The following MBP variants were observed in gnomAD, a reference collection of about 807,000 sequenced individuals.
The protein encoded by MBP is Golli-MBP.
In MBP, 16 loss-of-function variants were observed where a neutral mutation model predicts 35.8. That is an observed-to-expected ratio of 0.45 (90% CI 0.30 to 0.68). The LOEUF (loss-of-function observed/expected upper bound fraction) is 0.68, where lower values mean the gene tolerates loss of function less well. Among genes scored for constraint, MBP ranks in the 30% least tolerant of loss-of-function variants. MBP has a pLI of 0.08. For synonymous variants in MBP, 143 were observed against 159.6 expected (o/e 0.90, Z 0.78); for missense variants, 380 against 404.7 (o/e 0.94, Z 0.52).
intron 3 of MBP, among the ~76,000 whole-genome samples, chr18:77,035,663 G>T (rs554336322): frequency 6.6e-6 from 1 of 152,248 alleles, no homozygotes; most frequent in African/African-American, 2.4e-5. Flanking sequence ...CAGGTGAAGG[G>T]GGGGGGACCA....
chr18:77,058,487 C>CAGGCACGACCCCAGGCCG (rs1230183838), intron 3 of MBP, among the ~76,000 whole-genome samples: 37 of 152,286 alleles, frequency 2.4e-4, no homozygotes, highest in African/African-American at 8.4e-4. Flanking sequence ...ACCCCAGGCC[C>CAGGCACGACCCCAGGCCG]GGGCACGACC....
rs533141508 is a variant in MBP at position 77,061,765 on chromosome 18, G to A, written c.139+4533C>T. On this transcript the variant is annotated intron_variant, in intron 3 of 8. Transcript: ENST00000355994. ...TTTTTCCTACTGTCAGCTAACTCAA[G>A]CTTTATAAAATAAAGAAGAGTGAAA... Among the ~76,000 whole-genome samples the A allele has an allele frequency of 2.0e-5, 3 of 152,278 alleles. No homozygotes were observed. The South Asian group carries it at 6.2e-4, about 32-fold the overall frequency.
chr18:76,985,042 C>G (rs555660876), intron 7 of MBP, 148 bp from the exon 8 acceptor site: 1 of 1,494,972 alleles, frequency 6.7e-7, no homozygotes, highest in African/African-American at 1.4e-5. Flanking sequence ...GCCAGCACCA[C>G]GCTGAGGGGG....
chr18:76,986,857 T>C lies in MBP; in HGVS notation c.750+1638A>G, dbSNP rs1029672207. ...GATTAACAATCTGCGCGGCCTTTCC[T>C]CCTTTCCAATCCTTAGTCATGTTTA... On this transcript the variant is annotated intron_variant, in intron 7 of 8. Coordinates refer to ENST00000355994, the MANE Select transcript of MBP (RefSeq NM_001025101.2). 11 of 985,336 alleles carry C rather than the reference T, an allele frequency of 1.1e-5. No homozygotes were observed. The Admixed American group carries it at 3.7e-4, about 33-fold the overall frequency. 61.0% of individuals were successfully genotyped at this position (985,336 alleles called of 1,614,324 possible).
rs376470788 is a variant in MBP at position 77,130,754 on chromosome 18, C to G, written c.-26+1826G>C. Among the ~76,000 whole-genome samples, 533 of 151,804 alleles carry G rather than the reference C, an allele frequency of 3.5e-3. 4 individuals are homozygous for G. Among genetic ancestry groups the G allele is most frequent in the Non-Finnish European group, 5.9e-3 (402 of 67,926 alleles). On this transcript the variant is annotated intron_variant, in intron 1 of 8. Coordinates refer to ENST00000355994, the MANE Select transcript of MBP (RefSeq NM_001025101.2). ...AATCAGCGCACACAGCTAGGACCAC[C>G]ACTGACCAAACTCAAACCCGACGTT...
chr18:77,015,633 G>A (rs1599068689), intron 4 of MBP: 14 of 985,442 alleles, frequency 1.4e-5, no homozygotes, highest in Non-Finnish European at 1.6e-5. Context: ...CAGACAGATG[G>A]TAGAGATGTT....
chr18:77,011,425 T>C (rs1971341629), intron 4 of MBP, among the ~76,000 whole-genome samples: 1 of 152,200 alleles, frequency 6.6e-6, no homozygotes, highest in Non-Finnish European at 1.5e-5. Context: ...ATGGCTCTTC[T>C]TCACAAAGAA....
Position 76,984,854 on chromosome 18 carries a change from C to T in MBP, c.791G>A (p.Arg264Lys). The change falls in exon 8 of 9, where the codon AGA becomes AAA. Residue 264 changes from arginine (R) to lysine (K), a missense_variant. By Grantham distance (26) the Arg-to-Lys change is conservative. Transcript: ENST00000355994. ...GTGAGCCGATTTATAGTCGGACGCTCTGCCTCCGTAGCCAAATCCTGGTCT... is the reference window on the plus strand; with the variant it reads ...GTGAGCCGATTTATAGTCGGACGCTTTGCCTCCGTAGCCAAATCCTGGTCT... ...GQRPGFGYGG[R>K]ASDYKSAHKG... 6 of 1,613,942 alleles carry T rather than the reference C, an allele frequency of 3.7e-6. No individual in the cohort carries two copies. The highest frequency in any genetic ancestry group is 5.1e-6 in the Non-Finnish European group (6 of 1,180,028).
At position 77,101,670 on chromosome 18, in the gene MBP, A is replaced by T. The variant is rs74880871; in HGVS notation, c.51+3541T>A. ...TCCAGAAAAGTGTCTTTTTTTCACC[A>T]ATCAGAGACATTCCACAGTTAACCC... is the stretch of plus-strand genomic sequence containing the variant. On this transcript the variant is annotated intron_variant, in intron 2 of 8. Coordinates refer to ENST00000355994, the MANE Select transcript of MBP (RefSeq NM_001025101.2). This position sits in a 1 kb window ranked among gnomAD's most constrained non-coding sequence, Gnocchi z 4.3. 6.6e-6 allele frequency among the ~76,000 whole-genome samples: 1 copy of T among 151,846 alleles called. No homozygotes were observed. The highest frequency in any genetic ancestry group is 2.4e-5 in the African/African-American group (1 of 41,406).
At position 77,028,815 on chromosome 18, in the gene MBP, G is replaced by A. The variant is rs537801765; in HGVS notation, c.140-11547C>T. Among the ~76,000 whole-genome samples, 43 of 81,576 alleles carry A rather than the reference G, an allele frequency of 5.3e-4. 11 individuals are homozygous for A. In the East Asian group the frequency reaches 0.016, roughly 30 times the overall value. The allele number at this position is 81,576 out of a possible 152,430, so 53.5% of individuals were successfully genotyped here. A position where few individuals can be genotyped will look rare whatever the true frequency, so the allele number is the denominator to read the frequency against. ...CGGAGGGACTCCTGACTTCTCAGAC[G>A]GGGCGGCCGGGCAGAGACGCTCCTC... is the stretch of plus-strand genomic sequence containing the variant. On this transcript the variant is annotated intron_variant, in intron 3 of 8. Coordinates refer to ENST00000355994, the MANE Select transcript of MBP (RefSeq NM_001025101.2).
chr18:77,096,361 T>C (rs535663443), intron 2 of MBP, among the ~76,000 whole-genome samples: 1 of 152,324 alleles, frequency 6.6e-6, no homozygotes, highest in East Asian at 1.9e-4. Flanking sequence ...TAATGATAAT[T>C]AAATATGGAG....
intron 3 of MBP, among the ~76,000 whole-genome samples, chr18:77,063,524 C>T (rs1184988866): frequency 6.6e-6 from 1 of 152,208 alleles, no homozygotes; most frequent in Non-Finnish European, 1.5e-5. Flanking sequence ...TTCCTCGGCA[C>T]ACTCACGGGC....
intron 3 of MBP, among the ~76,000 whole-genome samples, chr18:77,033,790 CCAT>C (rs1568304462): frequency 1.8e-4 from 27 of 146,252 alleles, no homozygotes; most frequent in African/African-American, 4.2e-4. Flanking sequence ...ATCCATCCAT[CCAT>C]CCACCCACTC....
intron 4 of MBP, among the ~76,000 whole-genome samples, chr18:77,010,383 T>C (rs1255381727): frequency 2.0e-5 from 3 of 152,204 alleles, no homozygotes; most frequent in Admixed American, 2.0e-4. Flanking sequence ...AATGGATAAA[T>C]TTTACATTCC....
At chr18:77,106,731 G>C (rs561837962) in intron 1 of MBP, among the ~76,000 whole-genome samples, 25 of 152,252 alleles carry the variant, frequency 1.6e-4, no homozygotes, top group African/African-American at 6.0e-4. Context: ...CCTTCCCCAT[G>C]CTTCATGGCA....
chr18:77,017,126 G>A lies in MBP; in HGVS notation c.282C>T (p.Leu94=). 1 of 1,584,146 alleles carries A rather than the reference G, an allele frequency of 6.3e-7. No individual in the cohort carries two copies. The highest frequency in any genetic ancestry group is 8.6e-7 in the Non-Finnish European group (1 of 1,161,650). ...CCCTCCCCGGGGCATCTCGGGAAAA[G>A]AGGCGGATCAAGTGGGGGCGGCTCC... ...DPGSRPHLIR[L]FSRDAPGRED... is the part of the protein sequence containing the mutation. The change falls in exon 4 of 9, where the codon CTC becomes CTT. Residue 94 remains leucine, a synonymous_variant. Coordinates refer to ENST00000355994, the MANE Select transcript of MBP (RefSeq NM_001025101.2).
chr18:77,000,053 G>A (rs1347459364), intron 4 of MBP, among the ~76,000 whole-genome samples: 1 of 152,166 alleles, frequency 6.6e-6, no homozygotes, highest in African/African-American at 2.4e-5. Context: ...GCCAGCTAGA[G>A]ATGAGGCCAG....
chr18:77,000,434 C>A (rs1364952207), intron 4 of MBP, among the ~76,000 whole-genome samples: 1 of 152,138 alleles, frequency 6.6e-6, no homozygotes, highest in Non-Finnish European at 1.5e-5. Flanking sequence ...ATGCATAGAG[C>A]AACAACAACA....
intron 3 of MBP, among the ~76,000 whole-genome samples, chr18:77,023,293 C>A (rs1262364658): frequency 1.3e-5 from 2 of 152,202 alleles, no homozygotes; most frequent in Admixed American, 1.3e-4. Flanking sequence ...TCATCTTCCA[C>A]TGAGGTGGTG....
Sources: allele counts gnomAD v4.1 joint callset (sites outside exome capture counted in the v4.1 genomes callset), GRCh38; gene constraint gnomAD v4.1.1; non-coding constraint Gnocchi (gnomAD v3.1); transcripts MANE v1.5; gene names NCBI Gene and HGNC (gene_info 2026-07-23, HGNC 2026-07-21).